The following SNRPA1 variants were observed in gnomAD, a reference collection of about 807,000 sequenced individuals.
SNRPA1 encodes the protein U2 small nuclear ribonucleoprotein A'.
A neutral mutation model predicts 32.3 loss-of-function variants in SNRPA1; 5 were observed. That is an observed-to-expected ratio of 0.15 (90% CI 0.08 to 0.33). SNRPA1 has a LOEUF of 0.33. Ranked by LOEUF, SNRPA1 falls within the 10% of genes least tolerant of loss-of-function variation. The pLI, the probability that SNRPA1 is intolerant of heterozygous loss-of-function variation, is 1.00. For synonymous variants in SNRPA1, 111 were observed against 120.1 expected, an observed-to-expected ratio of 0.92 and a Z score of 0.50; for missense variants, 198 against 311.1, an observed-to-expected ratio of 0.64 and a Z score of 2.74.
intron 8 of SNRPA1, 79 bp from the exon 9 acceptor site, chr15:101,281,861 G>C: frequency 1.5e-6 from 2 of 1,360,188 alleles, no homozygotes; most frequent in Non-Finnish European, 2.1e-6. Flanking sequence ...TTGTTCTGTG[G>C]CCACTGTTTG....
At chr15:101,294,593 C>T (rs1478266233) in intron 1 of SNRPA1, among the ~76,000 whole-genome samples, 1 of 152,208 alleles carries the variant, frequency 6.6e-6, no homozygotes, top group Non-Finnish European at 1.5e-5. Flanking sequence ...AAACGCCAGA[C>T]AATTAAAGCT....
chr15:101,291,862 G>A lies in SNRPA1; in HGVS notation c.309+100C>T, dbSNP rs886822719. ...GAATTAAGAAAAAGACAAGAAAGAG[G>A]ATACTGAGATCATTTTCTAGATTTT... On this transcript the variant is annotated intron_variant, in intron 3 of 8. Transcript: ENST00000254193. The A allele has an allele frequency of 1.6e-5, 11 of 699,462 alleles. No individual in the cohort carries two copies. The Admixed American group carries it at 2.4e-4, about 15-fold the overall frequency. 43.3% of individuals were successfully genotyped at this position (699,462 alleles called of 1,614,324 possible). A position where few individuals can be genotyped will look rare whatever the true frequency, so the allele number is the denominator to read the frequency against.
chr15:101,295,225 C>G lies in SNRPA1; in HGVS notation c.-47G>C. The G allele has an allele frequency of 1.4e-6, 2 of 1,458,082 alleles. No individual in the cohort carries two copies. The highest frequency in any genetic ancestry group is 1.8e-6 in the Non-Finnish European group (2 of 1,098,500). The allele number at this position is 1,458,082 out of a possible 1,614,324, so 90.3% of individuals were successfully genotyped here. A position where few individuals can be genotyped will look rare whatever the true frequency, so the allele number is the denominator to read the frequency against. On this transcript the variant is annotated 5_prime_UTR_variant, in exon 1 of 9. Coordinates refer to ENST00000254193, the MANE Select transcript of SNRPA1 (RefSeq NM_003090.4). The stretch of plus-strand genomic sequence containing the variant: ...GCGCTGTGGAAAGCCCGTGGCCTCC[C>G]GCCAGCGAGACGTCCCAGCGTGCCC...
At chr15:101,283,683 C>T (rs1053094875) in intron 8 of SNRPA1, among the ~76,000 whole-genome samples, 2 of 152,214 alleles carry the variant, frequency 1.3e-5, no homozygotes, top group African/African-American at 4.8e-5. Context: ...ACGGGGCTCA[C>T]GCCTGTAATC....
chr15:101,289,633 T>TA (rs1158854825), intron 3 of SNRPA1, among the ~76,000 whole-genome samples: 7 of 151,982 alleles, frequency 4.6e-5, no homozygotes, highest in African/African-American at 1.5e-4. Flanking sequence ...GACTGGATTG[T>TA]AAAAAATTCC....
At position 101,294,689 on chromosome 15, in the gene SNRPA1, C is replaced by T. The variant is rs1035152139; in HGVS notation, c.82+408G>A. On this transcript the variant is annotated intron_variant, in intron 1 of 8. Coordinates refer to ENST00000254193, the MANE Select transcript of SNRPA1 (RefSeq NM_003090.4). Reference sequence around the variant, plus strand: ...CACATTAGGAATAATGAACACATATCCTATCTACGCTCAAAATATCATCTG... The same window carrying T: ...CACATTAGGAATAATGAACACATATTCTATCTACGCTCAAAATATCATCTG... Among the ~76,000 whole-genome samples the T allele has an allele frequency of 5.9e-5, 9 of 152,320 alleles. No individual in the cohort carries two copies. In the East Asian group the frequency reaches 1.5e-3, roughly 26 times the overall value.
chr15:101,294,501 C>G (rs2039564680), intron 1 of SNRPA1, among the ~76,000 whole-genome samples: 1 of 152,160 alleles, frequency 6.6e-6, no homozygotes, highest in African/African-American at 2.4e-5. Flanking sequence ...TAATTGCGAG[C>G]GCTTCCACAA....
chr15:101,294,930 T>G, intron 1 of SNRPA1, 167 bp downstream of exon 1: 3 of 475,106 alleles, frequency 6.3e-6, no homozygotes, highest in East Asian at 3.5e-5. Context: ...GATGCTCATC[T>G]GGCAACAACG....
At chr15:101,282,710 G>GT (rs2039410396) in intron 8 of SNRPA1, among the ~76,000 whole-genome samples, 3 of 152,194 alleles carry the variant, frequency 2.0e-5, no homozygotes, top group Admixed American at 2.0e-4. Context: ...GTTGAGCCAT[G>GT]TAATTACACA....
chr15:101,293,715 T>C (rs1454999588), intron 1 of SNRPA1, among the ~76,000 whole-genome samples: 1 of 152,182 alleles, frequency 6.6e-6, no homozygotes, highest in Non-Finnish European at 1.5e-5. Context: ...TTAAATACAG[T>C]AATAAATCTG....
At chr15:101,282,211 T>C (rs2039403016) in intron 8 of SNRPA1, among the ~76,000 whole-genome samples, 1 of 152,228 alleles carries the variant, frequency 6.6e-6, no homozygotes, top group Non-Finnish European at 1.5e-5. Flanking sequence ...TGCCAACAAC[T>C]ACCAAAAAAT....
intron 3 of SNRPA1, among the ~76,000 whole-genome samples, chr15:101,291,663 C>G (rs180834711): frequency 6.6e-6 from 1 of 151,852 alleles, no homozygotes; most frequent in East Asian, 1.9e-4. Context: ...AGTTTATAAC[C>G]CTGGAATAGG....
chr15:101,285,651 C>G, intron 7 of SNRPA1, 75 bp downstream of exon 7: 2 of 988,770 alleles, frequency 2.0e-6, no homozygotes, highest in Non-Finnish European at 3.2e-6. Context: ...ATGTTCGGAA[C>G]ATGTTTATTA....
Position 101,286,200 on chromosome 15 carries a change from T to C in SNRPA1, c.539+14A>G. The C allele has an allele frequency of 2.5e-6, 4 of 1,608,158 alleles. No homozygotes were observed. The South Asian group carries it at 4.4e-5, about 18-fold the overall frequency. ...GAAGGTGAAGTAGAGTTAAGTTGGATATCCGTGTCTTACGTTTTGCTTCTC... is the reference window on the plus strand; with the variant it reads ...GAAGGTGAAGTAGAGTTAAGTTGGACATCCGTGTCTTACGTTTTGCTTCTC... On this transcript the variant is annotated intron_variant, in intron 6 of 8. Coordinates refer to ENST00000254193, the MANE Select transcript of SNRPA1 (RefSeq NM_003090.4).
chr15:101,285,229 A>T, intron 7 of SNRPA1, 169 bp from the exon 8 acceptor site: 1 of 554,088 alleles, frequency 1.8e-6, no homozygotes, highest in Non-Finnish European at 3.2e-6. Flanking sequence ...AAATAAAACT[A>T]GAAGCCAAAC....
chr15:101,292,870 T>C (rs996717904), intron 2 of SNRPA1, 155 bp downstream of exon 2: 2 of 463,610 alleles, frequency 4.3e-6, no homozygotes, highest in African/African-American at 2.0e-5. Context: ...GCTTCCATTA[T>C]GGAAAAAATA....
At chr15:101,287,185 C>CT (rs1208480377) in intron 4 of SNRPA1, among the ~76,000 whole-genome samples, 175 bp from the exon 5 acceptor site, 2 of 151,754 alleles carry the variant, frequency 1.3e-5, no homozygotes, top group South Asian at 4.2e-4. Context: ...GTAAAAGGCA[C>CT]TTTTTTTTTA....
Position 101,285,066 on chromosome 15 carries a change from G to T in SNRPA1, c.616-6C>A, listed in dbSNP as rs1230030599. 1 of 1,608,728 alleles carries T rather than the reference G, an allele frequency of 6.2e-7. No homozygotes were observed. ...GAAGCATTTGCTATGGCATTCTGGA[G>T]GACAGAGGGCAATGGAGATGGATGA... On this transcript the variant is annotated splice_region_variant and splice_polypyrimidine_tract_variant and intron_variant, in intron 7 of 8. Transcript: ENST00000254193.
chr15:101,283,453 C>T (rs1262284144), intron 8 of SNRPA1, among the ~76,000 whole-genome samples: 1 of 151,606 alleles, frequency 6.6e-6, no homozygotes, highest in Non-Finnish European at 1.5e-5. Flanking sequence ...GTAGTCCCAG[C>T]TACTCGGGAG....
Sources: gnomAD v4.1 joint callset for allele counts (sites outside exome capture counted in the v4.1 genomes callset) on GRCh38, gnomAD v4.1.1 for gene constraint, MANE v1.5 for transcripts, NCBI Gene and HGNC (gene_info 2026-07-23, HGNC 2026-07-21) for gene names.